The following COP1 variants were observed in gnomAD, a reference collection of about 807,000 sequenced individuals.
COP1 encodes COP1 E3 ubiquitin ligase.
Under a neutral mutation model 101.3 loss-of-function variants are expected in COP1, and 24 were observed. That is an observed-to-expected ratio of 0.24 (90% CI 0.17 to 0.33). The LOEUF (loss-of-function observed/expected upper bound fraction) is 0.33. Ranked by LOEUF, COP1 falls within the 10% of genes least tolerant of loss-of-function variation. The probability of loss-of-function intolerance (pLI) is 1.00; values close to 1 mark genes in which losing one functional copy is unlikely to be tolerated. For synonymous variants in COP1, 347 were observed against 341.9 expected, an observed-to-expected ratio of 1.01 and a Z score of -0.17; for missense variants, 663 against 906.2, an observed-to-expected ratio of 0.73 and a Z score of 3.45.
intron 15 of COP1, among the ~76,000 whole-genome samples, chr1:176,014,996 G>A (rs1304287385): frequency 6.6e-6 from 1 of 152,164 alleles, no homozygotes; most frequent in Non-Finnish European, 1.5e-5. Flanking sequence ...TGATAACAAT[G>A]AGACAGAGAG....
At chr1:175,995,913 C>G (rs1660028068) in intron 15 of COP1, among the ~76,000 whole-genome samples, 1 of 152,130 alleles carries the variant, frequency 6.6e-6, no homozygotes, top group Non-Finnish European at 1.5e-5. Context: ...CAGCATCATC[C>G]TGATACCAAA....
chr1:176,043,044 A>T, intron 14 of COP1, 142 bp downstream of exon 14: 1 of 624,508 alleles, frequency 1.6e-6, no homozygotes, highest in Non-Finnish European at 2.9e-6. Flanking sequence ...ACAAAACAAA[A>T]CAACATGGGG....
At chr1:175,983,207 T>C (rs566129709) in intron 18 of COP1, among the ~76,000 whole-genome samples, 6 of 152,304 alleles carry the variant, frequency 3.9e-5, no homozygotes, top group Non-Finnish European at 5.9e-5. Context: ...AAAAGACTCC[T>C]CTGATATGGT....
intron 9 of COP1, among the ~76,000 whole-genome samples, chr1:176,091,984 T>A (rs889544804): frequency 1.3e-5 from 2 of 151,926 alleles, no homozygotes; most frequent in Non-Finnish European, 2.9e-5. Flanking sequence ...ATGAAAAACA[T>A]TAATATGGAT....
chr1:176,206,745 G>A lies in COP1; in HGVS notation c.234C>T (p.Gly78=), dbSNP rs1700905633. The stretch of plus-strand genomic sequence containing the variant: ...ACAGGCCCGTGGACACCGCCCCGCC[G>A]CCGCTACCCGATACGGCGGGCGCCA... The part of the protein sequence containing the change: ...VLVAPAVSGS[G]GGAVSTGLSR... The change falls in exon 1 of 20, where the codon GGC becomes GGT. Residue 78 remains glycine (G), a synonymous_variant. Transcript: ENST00000367669. 1 of 1,540,390 alleles carries A rather than the reference G, an allele frequency of 6.5e-7. No homozygotes were observed. Among genetic ancestry groups the A allele is most frequent in the South Asian group, 1.2e-5 (1 of 86,088 alleles).
intron 6 of COP1, among the ~76,000 whole-genome samples, chr1:176,145,237 T>C (rs971411364): frequency 1.3e-5 from 2 of 152,062 alleles, no homozygotes; most frequent in African/African-American, 4.8e-5. Flanking sequence ...GGCCAATCAA[T>C]GTAGTACTAG....
intron 9 of COP1, among the ~76,000 whole-genome samples, chr1:176,116,392 T>G (rs1447130082): frequency 6.6e-6 from 1 of 152,202 alleles, no homozygotes; most frequent in Non-Finnish European, 1.5e-5. Context: ...ACTTTAGATT[T>G]GTTCCATCAC....
chr1:176,001,014 T>C (rs762053936), intron 15 of COP1, among the ~76,000 whole-genome samples: 1 of 152,082 alleles, frequency 6.6e-6, no homozygotes, highest in Non-Finnish European at 1.5e-5. Flanking sequence ...TACATCTTTC[T>C]ATGTTACATG....
intron 15 of COP1, among the ~76,000 whole-genome samples, chr1:176,014,078 G>A (rs2148971811): frequency 6.6e-6 from 1 of 152,160 alleles, no homozygotes; most frequent in Non-Finnish European, 1.5e-5. Flanking sequence ...CATGTTTTTG[G>A]TGGAGAATAA....
At chr1:176,103,250 C>G (rs1260594243) in intron 9 of COP1, among the ~76,000 whole-genome samples, 5 of 152,202 alleles carry the variant, frequency 3.3e-5, no homozygotes, top group African/African-American at 1.2e-4. Flanking sequence ...AGTGAAGTGA[C>G]TTAGGGTGAG....
intron 14 of COP1, among the ~76,000 whole-genome samples, chr1:176,042,697 C>G (rs889765281): frequency 4.3e-5 from 6 of 139,928 alleles, no homozygotes; most frequent in Non-Finnish European, 9.1e-5. Context: ...CGCCACTGCA[C>G]TCCAGCCTGG....
In COP1 at chr1:176,081,178, G is replaced by C. The variant is rs997548625; in HGVS notation, c.1251C>G (p.Leu417=). Residue 417 remains leucine (L), a synonymous_variant, in exon 11 of 20, where the codon CTC becomes CTG. Coordinates refer to ENST00000367669, the MANE Select transcript of COP1 (RefSeq NM_022457.7). ...TAGAGACTATACTGGAACCATTATA[G>C]AGATCACTAGCATATGACAATGTGG... ...PLATLSYASD[L]YNGSSIVSSI... is the part of the protein sequence containing the mutation. The C allele has an allele frequency of 7.5e-6, 12 of 1,607,976 alleles. No individual in the cohort carries two copies. In the African/African-American group the frequency reaches 1.3e-4, roughly 18 times the overall value.
intron 19 of COP1, 31 bp downstream of exon 19, chr1:175,947,164 G>A: frequency 2.6e-6 from 4 of 1,521,606 alleles, no homozygotes; most frequent in Non-Finnish European, 3.6e-6. Flanking sequence ...ATGGGCCTGA[G>A]TTTAAAATGG....
chr1:176,151,351 GAA>G lies in COP1; in HGVS notation c.763-2279_763-2278del, dbSNP rs1217384376. 4.1e-3 allele frequency among the ~76,000 whole-genome samples: 368 copies of G among 90,292 alleles called. 2 individuals carry two copies. The highest frequency in any genetic ancestry group is 0.019 in the South Asian group (50 of 2,574). The allele number at this position is 90,292 out of a possible 152,430, so 59.2% of individuals were successfully genotyped here. ...AGAAAGAAAGAAGGAAGGAAAGAAA[GAA>G]AAAGAAAGAAAGAAAGAAAGAAAGA... is the stretch of plus-strand genomic sequence containing the variant. On this transcript the variant is annotated intron_variant, in intron 5 of 19. Transcript: ENST00000367669.
In COP1 at chr1:176,197,731, T is replaced by C. The variant is rs536084269; in HGVS notation, c.407+8841A>G. On this transcript the variant is annotated intron_variant, in intron 1 of 19. Coordinates refer to ENST00000367669, the MANE Select transcript of COP1 (RefSeq NM_022457.7). ...CATATAAATTTAAAAGATGTAAAAG[T>C]ATATTCATATACAGATAACATGACT... 8.5e-5 allele frequency among the ~76,000 whole-genome samples: 13 copies of C among 152,332 alleles called. No homozygotes were observed. The East Asian group carries it at 2.5e-3, about 29-fold the overall frequency.
At chr1:176,019,623 A>G (rs1666361899) in intron 15 of COP1, among the ~76,000 whole-genome samples, 2 of 151,758 alleles carry the variant, frequency 1.3e-5, no homozygotes, top group South Asian at 2.1e-4. Context: ...GACCATGGGA[A>G]GCATAGGCAG....
chr1:176,110,700 A>G (rs1165411923), intron 9 of COP1, among the ~76,000 whole-genome samples: 1 of 152,222 alleles, frequency 6.6e-6, no homozygotes, highest in African/African-American at 2.4e-5. Flanking sequence ...ACAAAACCCC[A>G]AAAACCTGCT....
intron 8 of COP1, among the ~76,000 whole-genome samples, chr1:176,124,212 T>C (rs937345042): frequency 6.6e-6 from 1 of 152,174 alleles, no homozygotes; most frequent in African/African-American, 2.4e-5. Flanking sequence ...TATCACAACA[T>C]GGAGAATGTG....
intron 1 of COP1, 47 bp from the exon 2 acceptor site, chr1:176,184,739 A>G: frequency 7.1e-7 from 1 of 1,406,526 alleles, no homozygotes; most frequent in Non-Finnish European, 1.0e-6. Flanking sequence ...AAGTAGAGTG[A>G]TTACAAATTG....
Sources: gnomAD v4.1 joint callset for allele counts (sites outside exome capture counted in the v4.1 genomes callset) on GRCh38, gnomAD v4.1.1 for gene constraint, MANE v1.5 for transcripts, NCBI Gene and HGNC (gene_info 2026-07-23, HGNC 2026-07-21) for gene names.